TTLL8: variants seen among roughly 807,000 people sequenced by gnomAD.
TTLL8 encodes protein monoglycylase TTLL8.
Under a neutral mutation model 77.8 loss-of-function variants are expected in TTLL8, and 65 were observed. The ratio of observed to expected loss-of-function variants is 0.84; its 90% CI spans 0.68 to 1.03. TTLL8 has a LOEUF of 1.03. TTLL8 is among the 50% of genes least tolerant of loss of function. TTLL8 has a pLI of 0.00. For synonymous variants in TTLL8, 402 were observed against 422.8 expected (o/e 0.95, Z 0.60); for missense variants, 910 against 1,004.5 (o/e 0.91, Z 1.27).
intron 6 of TTLL8, among the ~76,000 whole-genome samples, chr22:50,043,130 G>A (rs901857670): frequency 2.0e-5 from 3 of 149,378 alleles, no homozygotes; most frequent in African/African-American, 7.3e-5. Context: ...CAGTGGTGCC[G>A]AGACGTCCTT....
At chr22:50,057,335 GTGAGTCA>G, upstream of TTLL8, among the ~76,000 whole-genome samples, 1 of 69,694 alleles carries the variant, frequency 1.4e-5, no homozygotes, top group East Asian at 6.3e-4. Context: ...GGTCTGGGTT[GTGAGTCA>G]GGTCTGGGTT....
At position 50,033,906 on chromosome 22, in the gene TTLL8, G is replaced by A. The variant is rs187208277; in HGVS notation, c.1039+439C>T. On this transcript the variant is annotated intron_variant, in intron 9 of 13. Transcript: ENST00000266182. ...AAAAAATTAGCCGGGTGTGGTGGGC[G>A]CCTGTAGTCCCAGCTACTTGGGAGG... Among the ~76,000 whole-genome samples, 21 of 152,264 alleles carry A rather than the reference G, an allele frequency of 1.4e-4. No individual in the cohort carries two copies. The East Asian group carries it at 3.5e-3, about 25-fold the overall frequency.
intron 10 of TTLL8, among the ~76,000 whole-genome samples, chr22:50,032,887 C>A (rs1049536429): frequency 3.9e-5 from 6 of 152,240 alleles, no homozygotes; most frequent in African/African-American, 1.4e-4. Flanking sequence ...GCCTCCCCTG[C>A]GCCAGGGCCC....
At position 50,041,402 on chromosome 22, in the gene TTLL8, T is replaced by A; in HGVS notation, c.831-125A>T. Reference sequence around the variant, plus strand: ...GACAGACACCCCAATACCCAACAAGTATCCCAGACATCCAGACAGACACCA... The same window carrying A: ...GACAGACACCCCAATACCCAACAAGAATCCCAGACATCCAGACAGACACCA... On this transcript the variant is annotated intron_variant, in intron 7 of 13. Coordinates refer to ENST00000266182, the Ensembl canonical transcript of TTLL8. This position sits in a 1 kb window ranked among gnomAD's most constrained non-coding sequence, Gnocchi z 4.3. 1.0e-6 allele frequency: 1 copy of A among 954,712 alleles called. No homozygotes were observed. The highest frequency in any genetic ancestry group is 1.5e-5 in the South Asian group (1 of 67,996). 59.1% of individuals were successfully genotyped at this position (954,712 alleles called of 1,614,324 possible).
intron 8 of TTLL8, among the ~76,000 whole-genome samples, chr22:50,040,210 T>A (rs1234911325): frequency 7.4e-6 from 1 of 134,578 alleles, no homozygotes; most frequent in Non-Finnish European, 1.6e-5. Context: ...CTCACATGTG[T>A]CAGCATGGAT....
upstream of TTLL8, among the ~76,000 whole-genome samples, chr22:50,055,655 C>CAA (rs144375344): frequency 9.0e-6 from 1 of 110,500 alleles, no homozygotes; most frequent in East Asian, 2.3e-4. Context: ...AACTCTGTCT[C>CAA]AAAAAAAAAA....
chr22:50,050,626 A>G (rs764566844), intron 1 of TTLL8, among the ~76,000 whole-genome samples: 1 of 152,204 alleles, frequency 6.6e-6, no homozygotes, highest in Non-Finnish European at 1.5e-5. Flanking sequence ...GGAAAAGAAA[A>G]GTAAGATAAA....
chr22:50,055,088 G>T (rs955812451), upstream of TTLL8: 7 of 1,102,696 alleles, frequency 6.3e-6, no homozygotes, highest in Non-Finnish European at 6.9e-6. Flanking sequence ...TAAATGAAAG[G>T]TAACATGAGC....
At chr22:50,040,103 G>A (rs182464365) in intron 8 of TTLL8, among the ~76,000 whole-genome samples, 7 of 143,668 alleles carry the variant, frequency 4.9e-5, no homozygotes, top group African/African-American at 1.3e-4. Context: ...TGGACCTCAC[G>A]TGTGCCAGCG....
chr22:50,047,092 G>A, intron 4 of TTLL8, 76 bp downstream of exon 6: 1 of 1,328,018 alleles, frequency 7.5e-7, no homozygotes, highest in Non-Finnish European at 1.0e-6. Context: ...CAGCCACCGA[G>A]GGTCCCTAAT....
intron 8 of TTLL8, among the ~76,000 whole-genome samples, chr22:50,035,749 A>G (rs1225760988): frequency 6.6e-6 from 1 of 152,202 alleles, no homozygotes; most frequent in Non-Finnish European, 1.5e-5. Flanking sequence ...GTCACTGCCA[A>G]GGCCGCCCAG....
chr22:50,051,008 A>G (rs948988744), intron 1 of TTLL8, among the ~76,000 whole-genome samples: 1 of 152,088 alleles, frequency 6.6e-6, no homozygotes, highest in Non-Finnish European at 1.5e-5. Flanking sequence ...TCATCCTGCT[A>G]CACCACCAGG....
exon 12 of TTLL8, chr22:50,030,461 C>A (rs2061279356): frequency 7.5e-7 from 1 of 1,342,174 alleles, no homozygotes. Flanking sequence ...GCAGCGCGCC[C>A]TCTGCTGTCT....
At chr22:50,054,984 C>T (rs538684445), upstream of TTLL8, among the ~76,000 whole-genome samples, 26 of 152,200 alleles carry the variant, frequency 1.7e-4, no homozygotes, top group Admixed American at 1.3e-3. Flanking sequence ...TGCTTGAACC[C>T]GGGAGGCAGA....
intron 6 of TTLL8, among the ~76,000 whole-genome samples, chr22:50,043,831 GGAA>G (rs1372135523): frequency 6.6e-5 from 10 of 152,174 alleles, no homozygotes; most frequent in East Asian, 1.9e-4. Context: ...CGTGGAGACA[GGAA>G]GAAGATCAGT....
intron 12 of TTLL8, chr22:50,030,130 C>T: frequency 1.0e-6 from 1 of 972,570 alleles, no homozygotes; most frequent in Non-Finnish European, 1.2e-6. Flanking sequence ...CCGACCCGCG[C>T]CACACCCCAG....
chr22:50,023,849 T>A (rs2061217860), intron 12 of TTLL8, among the ~76,000 whole-genome samples: 1 of 151,664 alleles, frequency 6.6e-6, no homozygotes, highest in African/African-American at 2.4e-5. Flanking sequence ...TGAAACCCCA[T>A]CTCTACTAAA....
At chr22:50,050,184 C>T (rs1455615657) in exon 2 of TTLL8, 2 of 1,364,940 alleles carry the variant, frequency 1.5e-6, no homozygotes, top group African/African-American at 1.5e-5. Context: ...TCTACCCAGC[C>T]CTTCCTTCGC....
At chr22:50,023,850 C>G (rs529460790) in intron 12 of TTLL8, among the ~76,000 whole-genome samples, 1 of 152,228 alleles carries the variant, frequency 6.6e-6, no homozygotes, top group African/African-American at 2.4e-5. Flanking sequence ...GAAACCCCAT[C>G]TCTACTAAAA....
Sources: allele counts gnomAD v4.1 joint callset (sites outside exome capture counted in the v4.1 genomes callset), GRCh38; gene constraint gnomAD v4.1.1; non-coding constraint Gnocchi (gnomAD v3.1); transcripts MANE v1.5; gene names NCBI Gene and HGNC (gene_info 2026-07-23, HGNC 2026-07-21).